Variants in SV2C observed in about 807,000 individuals in gnomAD.
SV2C encodes the protein solute carrier family 22 member B3.
SV2C carries 49 observed loss-of-function variants against 79.7 expected under a neutral mutation model. The observed-to-expected ratio is 0.61, with a 90% CI of 0.49 to 0.78. The LOEUF is 0.78. SV2C is among the 30% of genes least tolerant of loss of function. The probability of loss-of-function intolerance (pLI) is 0.00; values close to 1 mark genes in which losing one functional copy is unlikely to be tolerated. For missense variants in SV2C, 833 were observed against 912.9 expected (o/e 0.91, Z 1.13); for synonymous variants, 334 against 333.2 (o/e 1.00, Z -0.03).
intron 2 of SV2C, among the ~76,000 whole-genome samples, chr5:76,169,547 T>TA (rs1214136757): frequency 3.3e-5 from 5 of 152,224 alleles, no homozygotes; most frequent in African/African-American, 1.2e-4. Flanking sequence ...ATAAAACTGT[T>TA]ATGTTTCTCA....
At chr5:76,278,623 C>T (rs886130848) in intron 4 of SV2C, among the ~76,000 whole-genome samples, 1 of 152,234 alleles carries the variant, frequency 6.6e-6, no homozygotes, top group Non-Finnish European at 1.5e-5. Flanking sequence ...AAAGGCTTAG[C>T]CCCCAGGATG....
Position 76,083,529 on chromosome 5 carries a change from A to T in SV2C, c.-102+17A>T, listed in dbSNP as rs1747064910. On this transcript the variant is annotated intron_variant, in intron 1 of 12. Transcript: ENST00000502798. ...GCTGGAGCGGTGAGTGGGGGAGGTG[A>T]AGCGGGCATCCGCGGGGAGACTTTC... 1 of 152,290 alleles carries T rather than the reference A, an allele frequency of 6.6e-6. No individual in the cohort carries two copies. Among genetic ancestry groups the T allele is most frequent in the Non-Finnish European group, 1.5e-5 (1 of 68,134 alleles). 9.4% of individuals were successfully genotyped at this position (152,290 alleles called of 1,614,324 possible). A position where few individuals can be genotyped will look rare whatever the true frequency, so the allele number is the denominator to read the frequency against.
chr5:75,987,237 G>C, the SV2C span, among the ~76,000 whole-genome samples: 1 of 151,932 alleles, frequency 6.6e-6, no homozygotes, highest in East Asian at 1.9e-4. Context: ...TTGCAAGTAA[G>C]GTAAAATCTG....
chr5:76,027,523 CT>C, the SV2C span, among the ~76,000 whole-genome samples: 2 of 152,100 alleles, frequency 1.3e-5, no homozygotes, highest in Admixed American at 6.6e-5. Flanking sequence ...GACAAAATGT[CT>C]TGAAAACAGG....
At chr5:76,305,842 G>A (rs1421262402) in intron 12 of SV2C, among the ~76,000 whole-genome samples, 1 of 152,174 alleles carries the variant, frequency 6.6e-6, no homozygotes, top group Non-Finnish European at 1.5e-5. Flanking sequence ...TTTTTCCCCA[G>A]ATTAGAGAGC....
intron 4 of SV2C, among the ~76,000 whole-genome samples, chr5:76,263,295 T>C (rs896475814): frequency 1.3e-5 from 2 of 148,796 alleles, no homozygotes; most frequent in African/African-American, 5.0e-5. Flanking sequence ...TTTTGTTTTG[T>C]TTTGCTTTCC....
chr5:76,208,198 A>G lies in SV2C; in HGVS notation c.762-1538A>G, dbSNP rs138956700. Among the ~76,000 whole-genome samples, 40 of 152,352 alleles carry G rather than the reference A, an allele frequency of 2.6e-4. No homozygotes were observed. In the East Asian group the frequency reaches 6.4e-3, roughly 24 times the overall value. On this transcript the variant is annotated intron_variant, in intron 3 of 12. Transcript: ENST00000502798. ...TAAGAAACACACTGTGACCCATTAT[A>G]TATTTTATATATGTATATTATACAT...
chr5:76,049,021 AAG>A, the SV2C span, among the ~76,000 whole-genome samples: 7 of 106,122 alleles, frequency 6.6e-5, no homozygotes, highest in African/African-American at 2.3e-4. Context: ...GAAAGAAAGA[AAG>A]AAAAAGAAAA....
intron 2 of SV2C, among the ~76,000 whole-genome samples, chr5:76,190,223 G>A (rs1186374709): frequency 1.3e-5 from 2 of 152,214 alleles, no homozygotes; most frequent in Non-Finnish European, 2.9e-5. Flanking sequence ...CATCATAACA[G>A]GTCTAGGGAC....
At chr5:76,344,942 G>C (rs1483331631) in intron 12 of SV2C, among the ~76,000 whole-genome samples, 1 of 152,190 alleles carries the variant, frequency 6.6e-6, no homozygotes, top group African/African-American at 2.4e-5. Flanking sequence ...CAGCTAGTCA[G>C]TGACAGGCAC....
chr5:76,319,978 C>T (rs1297350664), intron 12 of SV2C, among the ~76,000 whole-genome samples: 1 of 152,094 alleles, frequency 6.6e-6, no homozygotes, highest in South Asian at 2.1e-4. Context: ...TATATCTGGT[C>T]ATTTATGACA....
chr5:76,342,884 CT>C (rs1749469288), intron 12 of SV2C, among the ~76,000 whole-genome samples: 1 of 128,938 alleles, frequency 7.8e-6, no homozygotes, highest in African/African-American at 2.6e-5. Flanking sequence ...CTCTCTCTCT[CT>C]CTTTTTTTTT....
intron 2 of SV2C, among the ~76,000 whole-genome samples, chr5:76,168,696 T>C (rs560547488): frequency 1.3e-5 from 2 of 152,362 alleles, no homozygotes; most frequent in Admixed American, 1.3e-4. Flanking sequence ...TCTTAAATTA[T>C]GTTCTACTGT....
chr5:75,853,656 T>TAAAGAA, the SV2C span, among the ~76,000 whole-genome samples: 5 of 124,722 alleles, frequency 4.0e-5, no homozygotes, highest in South Asian at 5.4e-4. Context: ...TTACATCTAC[T>TAAAGAA]AAAGTTATTT....
chr5:75,973,244 G>A, the SV2C span, among the ~76,000 whole-genome samples: 1 of 151,934 alleles, frequency 6.6e-6, no homozygotes, highest in African/African-American at 2.4e-5. Context: ...GTTAATGGGT[G>A]CAGTACACCA....
intron 12 of SV2C, among the ~76,000 whole-genome samples, chr5:76,320,702 A>C (rs192153197): frequency 6.6e-6 from 1 of 152,304 alleles, no homozygotes; most frequent in Admixed American, 6.5e-5. Context: ...TACACAACAT[A>C]TAGGCTCAAG....
the SV2C span, among the ~76,000 whole-genome samples, chr5:76,044,410 C>T: frequency 1.3e-5 from 2 of 152,078 alleles, no homozygotes; most frequent in Admixed American, 1.3e-4. Flanking sequence ...ATTTATATTC[C>T]TTTGGGTATA....
At chr5:75,897,172 G>A in the SV2C span, among the ~76,000 whole-genome samples, 20,319 of 148,998 alleles carry the variant, frequency 0.14, 4,803 homozygotes, top group African/African-American at 0.49. Context: ...GTAATGCCTA[G>A]GTTTTCTTCT....
chr5:76,200,465 G>C (rs1046135420), intron 3 of SV2C, among the ~76,000 whole-genome samples: 5 of 152,298 alleles, frequency 3.3e-5, no homozygotes, highest in East Asian at 3.9e-4. Context: ...TTGCAACTCT[G>C]TAAATAAGTA....
Sources: gnomAD v4.1 joint callset for allele counts (sites outside exome capture counted in the v4.1 genomes callset) on GRCh38, gnomAD v4.1.1 for gene constraint, MANE v1.5 for transcripts, NCBI Gene and HGNC (gene_info 2026-07-23, HGNC 2026-07-21) for gene names.